GLYR1: variants seen among roughly 807,000 people sequenced by gnomAD.
The protein encoded by GLYR1 is glyoxylate reductase 1 homolog.
Under a neutral mutation model 72.7 loss-of-function variants are expected in GLYR1, and 21 were observed. That is an observed-to-expected ratio of 0.29 (90% confidence interval 0.20 to 0.42). The LOEUF is 0.42. GLYR1 is among the 10% of genes least tolerant of loss of function. The pLI, the probability that GLYR1 is intolerant of heterozygous loss-of-function variation, is 1.00. For missense variants in GLYR1, 594 were observed against 712.1 expected, an observed-to-expected ratio of 0.83 and a Z score of 1.89; for synonymous variants, 392 against 270.2, an observed-to-expected ratio of 1.45 and a Z score of -4.42.
chr16:4,809,242 T>G (rs1011537911), intron 15 of GLYR1, among the ~76,000 whole-genome samples: 1 of 136,398 alleles, frequency 7.3e-6, no homozygotes, highest in Non-Finnish European at 1.5e-5. Flanking sequence ...CAGGCTGGAG[T>G]GCAGTGGTGC....
chr16:4,832,631 C>G (rs1334428365), intron 4 of GLYR1, 143 bp downstream of exon 4: 2 of 1,022,856 alleles, frequency 2.0e-6, no homozygotes, highest in South Asian at 1.8e-5. Flanking sequence ...AAGCAAAACG[C>G]TGACACCTTA....
intron 5 of GLYR1, among the ~76,000 whole-genome samples, chr16:4,826,646 C>A (rs1206935448): frequency 6.6e-6 from 1 of 152,210 alleles, no homozygotes; most frequent in Non-Finnish European, 1.5e-5. Flanking sequence ...AAAGGCCCAG[C>A]CCAGAGCTGC....
At chr16:4,815,971 C>T (rs752337239) in intron 10 of GLYR1, among the ~76,000 whole-genome samples, 31 of 151,926 alleles carry the variant, frequency 2.0e-4, no homozygotes, top group Non-Finnish European at 1.8e-4. Context: ...TTAGTAGAGA[C>T]GGGGTTTCAC....
chr16:4,834,637 T>C (rs1286857662), intron 3 of GLYR1, among the ~76,000 whole-genome samples: 2 of 152,152 alleles, frequency 1.3e-5, no homozygotes, highest in Admixed American at 1.3e-4. Flanking sequence ...AGCTAATTTT[T>C]ATGTTTCTAG....
At chr16:4,845,043 C>T (rs369474535) in intron 3 of GLYR1, 31 bp downstream of exon 3, 49 of 1,457,156 alleles carry the variant, frequency 3.4e-5, no homozygotes, top group African/African-American at 2.0e-4. Flanking sequence ...GAAAGAAAGG[C>T]GAAGGGAGAC....
At chr16:4,844,623 T>C (rs1017886448) in intron 3 of GLYR1, among the ~76,000 whole-genome samples, 1 of 152,152 alleles carries the variant, frequency 6.6e-6, no homozygotes, top group African/African-American at 2.4e-5. Flanking sequence ...TAGCTGGGCA[T>C]GGTGGTGCAC....
At chr16:4,827,705 C>T (rs1485991529) in intron 5 of GLYR1, among the ~76,000 whole-genome samples, 47 of 152,102 alleles carry the variant, frequency 3.1e-4, no homozygotes, top group Admixed American at 3.0e-3. Context: ...TCGACACCAT[C>T]CTGGCTAACA....
intron 3 of GLYR1, chr16:4,843,265 G>A (rs1371343891): frequency 3.3e-5 from 7 of 210,384 alleles, no homozygotes; most frequent in Non-Finnish European, 5.8e-5. Context: ...GGCAATTCTC[G>A]AGCCTCAGCC....
intron 5 of GLYR1, among the ~76,000 whole-genome samples, chr16:4,825,545 C>A (rs963715588): frequency 6.6e-6 from 1 of 152,212 alleles, no homozygotes; most frequent in African/African-American, 2.4e-5. Context: ...ATAATGAGAA[C>A]AAATGCCTTC....
chr16:4,828,826 T>C (rs1055160216), intron 5 of GLYR1, among the ~76,000 whole-genome samples: 4 of 152,102 alleles, frequency 2.6e-5, no homozygotes, highest in Non-Finnish European at 5.9e-5. Flanking sequence ...ATATACGTGA[T>C]TCAAACTCCA....
intron 10 of GLYR1, among the ~76,000 whole-genome samples, chr16:4,816,268 C>T (rs184158840): frequency 4.6e-5 from 7 of 152,184 alleles, no homozygotes; most frequent in Non-Finnish European, 4.4e-5. Flanking sequence ...CTCAGCCTCC[C>T]AAGTAGCTGG....
At chr16:4,842,181 T>C (rs931413491) in intron 3 of GLYR1, among the ~76,000 whole-genome samples, 2 of 151,756 alleles carry the variant, frequency 1.3e-5, no homozygotes, top group African/African-American at 4.8e-5. Flanking sequence ...GAGGTGGAGC[T>C]TGTAGTGAGC....
Position 4,811,359 on chromosome 16 carries a change from C to CA in GLYR1, c.1463-66dup, listed in dbSNP as rs1382659766. The CA allele has an allele frequency of 6.9e-6, 11 of 1,595,550 alleles. No individual in the cohort carries two copies. In the African/African-American group the frequency reaches 1.5e-4, roughly 21 times the overall value. On this transcript the variant is annotated intron_variant, in intron 14 of 15. Transcript: ENST00000321919. Reference sequence around the variant, plus strand: ...CTGAAACTAAAAACTACTTACGGTCCACCAGGTGTCAGTACCTAAAACATA... The same window carrying CA: ...CTGAAACTAAAAACTACTTACGGTCCAACCAGGTGTCAGTACCTAAAACATA...
At chr16:4,811,506 T>C in intron 14 of GLYR1, 117 bp downstream of exon 14, 3 of 1,367,524 alleles carry the variant, frequency 2.2e-6, no homozygotes, top group South Asian at 1.2e-5. Context: ...GAACCTCCTC[T>C]GGCCAGGGTC....
chr16:4,846,855 C>A, intron 1 of GLYR1: 1 of 334,348 alleles, frequency 3.0e-6, no homozygotes, highest in South Asian at 3.3e-5. Context: ...CCAGATCTCG[C>A]AGGTCCGGTC....
Position 4,805,207 on chromosome 16 carries a change from T to G in GLYR1, c.*29A>C. Reference sequence around the variant, plus strand: ...AGGAAGAGGGGGTCAGAGGGGGGATTGGAGGGGTGAGGGCGGGGTGTCGAC... The same window carrying G: ...AGGAAGAGGGGGTCAGAGGGGGGATGGGAGGGGTGAGGGCGGGGTGTCGAC... On this transcript the variant is annotated 3_prime_UTR_variant, in exon 16 of 16. Transcript: ENST00000321919. The G allele has an allele frequency of 6.2e-7, 1 of 1,601,078 alleles. No individual in the cohort carries two copies. The highest frequency in any genetic ancestry group is 8.6e-7 in the Non-Finnish European group (1 of 1,169,046).
chr16:4,813,055 T>C (rs909318310), intron 12 of GLYR1, among the ~76,000 whole-genome samples: 1 of 150,616 alleles, frequency 6.6e-6, no homozygotes, highest in Admixed American at 6.6e-5. Flanking sequence ...CTCCGCCTCC[T>C]GGGTTCATGC....
chr16:4,817,119 T>A (rs575882432), intron 10 of GLYR1, among the ~76,000 whole-genome samples: 4 of 151,020 alleles, frequency 2.6e-5, no homozygotes, highest in Non-Finnish European at 5.9e-5. Flanking sequence ...AATTTTTGTA[T>A]TTTCTATTTT....
chr16:4,836,533 A>T (rs1294242151), intron 3 of GLYR1, among the ~76,000 whole-genome samples: 1 of 152,202 alleles, frequency 6.6e-6, no homozygotes, highest in Non-Finnish European at 1.5e-5. Flanking sequence ...ACACATTGTG[A>T]TAGTAAATAG....
Sources: allele counts gnomAD v4.1 joint callset (sites outside exome capture counted in the v4.1 genomes callset), GRCh38; gene constraint gnomAD v4.1.1; transcripts MANE v1.5; gene names NCBI Gene and HGNC (gene_info 2026-07-23, HGNC 2026-07-21).